The following ITPR1 variants were observed in gnomAD, a reference collection of about 807,000 sequenced individuals.
ITPR1 encodes the protein inositol 1,4,5-trisphosphate receptor type 1.
ITPR1 carries 96 observed loss-of-function variants against 318.4 expected under a neutral mutation model. The ratio of observed to expected loss-of-function variants is 0.30; its 90% CI spans 0.26 to 0.36. ITPR1 has a LOEUF of 0.36. Among genes scored for constraint, ITPR1 ranks in the 10% least tolerant of loss-of-function variants. The probability of loss-of-function intolerance (pLI) is 1.00; values close to 1 mark genes in which losing one functional copy is unlikely to be tolerated. For missense variants in ITPR1, 2,440 were observed against 3,460.2 expected (o/e 0.71, Z 7.40); for synonymous variants, 1,312 against 1,289.9 (o/e 1.02, Z -0.37).
chr3:4,630,177 G>A (rs1489699712), intron 5 of ITPR1, among the ~76,000 whole-genome samples: 1 of 152,132 alleles, frequency 6.6e-6, no homozygotes, highest in Non-Finnish European at 1.5e-5. Context: ...TCTGGAAGGC[G>A]TGAGGAAGTA....
intron 11 of ITPR1, 67 bp downstream of exon 11, chr3:4,652,285 C>T (rs1366600049): frequency 1.8e-6 from 2 of 1,114,068 alleles, no homozygotes; most frequent in Non-Finnish European, 2.7e-6. Flanking sequence ...CCTCATTCGC[C>T]TGTAGCCGTC....
At chr3:4,805,861 G>T (rs1038252475) in intron 54 of ITPR1, among the ~76,000 whole-genome samples, 2 of 152,196 alleles carry the variant, frequency 1.3e-5, no homozygotes, top group Non-Finnish European at 2.9e-5. Flanking sequence ...AATGCTACTT[G>T]ATTACTGTTG....
At chr3:4,830,168 G>T (rs933295420) in intron 60 of ITPR1, among the ~76,000 whole-genome samples, 2 of 151,690 alleles carry the variant, frequency 1.3e-5, no homozygotes, top group East Asian at 3.9e-4. Context: ...TAGAGACAGG[G>T]TTTCACTATG....
At chr3:4,645,341 T>C (rs1559602367) in intron 8 of ITPR1, 46 bp from the exon 9 acceptor site, 1 of 1,304,928 alleles carries the variant, frequency 7.7e-7, no homozygotes, top group South Asian at 1.2e-5. Context: ...GATGACACAG[T>C]TGTTGTGAGG....
At chr3:4,825,768 G>A in intron 60 of ITPR1, 1 of 456,780 alleles carries the variant, frequency 2.2e-6, no homozygotes, top group Non-Finnish European at 4.4e-6. Context: ...GAGAGCCTGT[G>A]AAATCTGCAG....
At chr3:4,720,855 T>C (rs948177453) in intron 40 of ITPR1, among the ~76,000 whole-genome samples, 3 of 152,132 alleles carry the variant, frequency 2.0e-5, no homozygotes, top group Non-Finnish European at 4.4e-5. Flanking sequence ...GGCGTTCTCA[T>C]GACGCCCAAC....
intron 44 of ITPR1, chr3:4,735,580 A>G: frequency 1.9e-6 from 1 of 532,838 alleles, no homozygotes; most frequent in Admixed American, 3.3e-5. Context: ...AAAACTGATA[A>G]AACACTGAGA....
chr3:4,602,023 A>G (rs2091324208), intron 4 of ITPR1, among the ~76,000 whole-genome samples: 1 of 152,256 alleles, frequency 6.6e-6, no homozygotes, highest in African/African-American at 2.4e-5. Context: ...GCTAGAGTAA[A>G]AAAGATGTAC....
At chr3:4,653,729 C>CAAGTTCTT in intron 11 of ITPR1, 113 bp from the exon 12 acceptor site, 1 of 693,242 alleles carries the variant, frequency 1.4e-6, no homozygotes, top group Non-Finnish European at 2.6e-6. Flanking sequence ...AGGGAATGGA[C>CAAGTTCTT]AAGTTCTTAG....
chr3:4,795,299 T>C, intron 53 of ITPR1, 112 bp downstream of exon 53: 1 of 921,040 alleles, frequency 1.1e-6, no homozygotes, highest in Non-Finnish European at 1.5e-6. Context: ...ATCCCAGTTA[T>C]CCACATTCAG....
chr3:4,795,035 C>T lies in ITPR1; in HGVS notation c.6809-30C>T, dbSNP rs776282059. ...TGGCGTTCCGGCTTGGGGTCTCCAG[C>T]CTCACGCGGCTTTGCCTTTGTCTCT... On this transcript the variant is annotated intron_variant, in intron 52 of 61. Transcript: ENST00000649015. 1.9e-6 allele frequency: 3 copies of T among 1,576,702 alleles called. No individual in the cohort carries two copies. The South Asian group carries it at 3.5e-5, about 18-fold the overall frequency.
At chr3:4,727,832 T>G (rs1435301925) in intron 42 of ITPR1, among the ~76,000 whole-genome samples, 1 of 152,236 alleles carries the variant, frequency 6.6e-6, no homozygotes, top group African/African-American at 2.4e-5. Context: ...TGCCTTGGCC[T>G]CCCAAAGTGC....
intron 44 of ITPR1, among the ~76,000 whole-genome samples, chr3:4,735,888 A>G (rs2043231817): frequency 6.6e-6 from 1 of 152,256 alleles, no homozygotes; most frequent in Non-Finnish European, 1.5e-5. Flanking sequence ...TTAGTCAGAA[A>G]TGAATAGATG....
chr3:4,668,449 A>T (rs1374858152), intron 18 of ITPR1, among the ~76,000 whole-genome samples: 1 of 151,218 alleles, frequency 6.6e-6, no homozygotes, highest in Admixed American at 6.6e-5. Context: ...AAATGACTGG[A>T]TCTCACTCTT....
intron 4 of ITPR1, among the ~76,000 whole-genome samples, chr3:4,545,657 T>A (rs2084914167): frequency 6.6e-6 from 1 of 150,448 alleles, no homozygotes. Flanking sequence ...TGGAAGCATC[T>A]TTTTTTGTGT....
chr3:4,736,153 T>TC, intron 44 of ITPR1, among the ~76,000 whole-genome samples: 1 of 152,224 alleles, frequency 6.6e-6, no homozygotes, highest in Non-Finnish European at 1.5e-5. Context: ...AGTTTTTTTT[T>TC]TGGACGTGTA....
At chr3:4,745,227 G>C (rs899929565) in intron 44 of ITPR1, among the ~76,000 whole-genome samples, 8 of 150,142 alleles carry the variant, frequency 5.3e-5, no homozygotes, top group African/African-American at 2.0e-4. Context: ...GAGCAGACAG[G>C]GTTGTTTTTT....
chr3:4,687,675 G>T (rs995073161), intron 30 of ITPR1, among the ~76,000 whole-genome samples: 2 of 152,168 alleles, frequency 1.3e-5, no homozygotes, highest in African/African-American at 4.8e-5. Flanking sequence ...TGGACAAAAT[G>T]GCCATGGGTT....
chr3:4,516,642 T>C, intron 3 of ITPR1, 59 bp downstream of exon 3: 1 of 1,025,102 alleles, frequency 9.8e-7, no homozygotes, highest in Non-Finnish European at 1.5e-6. Context: ...AACATCAGCT[T>C]AAAACTGTGA....
Sources: allele counts gnomAD v4.1 joint callset (sites outside exome capture counted in the v4.1 genomes callset), GRCh38; gene constraint gnomAD v4.1.1; transcripts MANE v1.5; gene names NCBI Gene and HGNC (gene_info 2026-07-23, HGNC 2026-07-21).